Variants in EML4 observed in about 807,000 individuals in gnomAD.
EML4 encodes EMAP like 4, also known as echinoderm microtubule-associated protein-like 4.
A neutral mutation model predicts 129.0 loss-of-function variants in EML4; 72 were observed. That is an observed-to-expected ratio of 0.56 (90% CI 0.46 to 0.68). The LOEUF (loss-of-function observed/expected upper bound fraction) is 0.68, where lower values mean the gene tolerates loss of function less well. EML4 is among the 30% of genes least tolerant of loss of function. The pLI is 0.00. For missense variants in EML4, 1,363 were observed against 1,190.6 expected, an observed-to-expected ratio of 1.14 and a Z score of -2.13; for synonymous variants, 532 against 405.0, an observed-to-expected ratio of 1.31 and a Z score of -3.77.
rs564061169 is a variant in EML4, at chr2:42,328,987, C to T, written c.2443C>T (p.Leu815=). ...TGCCGATGACTTTTGTAAAGTCCAT[C>T]TGTTTCAGTATCCCTGCTCCAAAGC... ...AVADDFCKVH[L]FQYPCSKAKA... is the part of the protein sequence containing the mutation. The change falls in exon 22 of 23, where the codon CTG becomes TTG. Residue 815 remains leucine (L), a synonymous_variant. Coordinates refer to ENST00000318522, the MANE Select transcript of EML4 (RefSeq NM_019063.5). The T allele has an allele frequency of 1.2e-6, 2 of 1,613,026 alleles. No homozygotes were observed. Among genetic ancestry groups the T allele is most frequent in the African/African-American group, 2.7e-5 (2 of 74,998 alleles).
Position 42,312,691 on chromosome 2 carries a change from C to A in EML4, c.1968-3271C>A, listed in dbSNP as rs376314258. Among the ~76,000 whole-genome samples, 29 of 151,898 alleles carry A rather than the reference C, an allele frequency of 1.9e-4. No homozygotes were observed. In the East Asian group the frequency reaches 4.5e-3, roughly 24 times the overall value. On this transcript the variant is annotated intron_variant, in intron 17 of 22. Coordinates refer to ENST00000318522, the MANE Select transcript of EML4 (RefSeq NM_019063.5). Reference sequence around the variant, plus strand: ...GCCTCAGCCTCCCAAGTAGCTGGGACTACAGGCGCGTGCCACCATGCCTGG... The same window carrying A: ...GCCTCAGCCTCCCAAGTAGCTGGGAATACAGGCGCGTGCCACCATGCCTGG...
At chr2:42,183,319 G>C (rs1671054604) in intron 1 of EML4, among the ~76,000 whole-genome samples, 1 of 152,164 alleles carries the variant, frequency 6.6e-6, no homozygotes, top group Admixed American at 6.6e-5. Flanking sequence ...ACAATAAAGA[G>C]TTTTAATTAA....
chr2:42,212,970 G>A (rs1672969613), intron 1 of EML4, among the ~76,000 whole-genome samples: 1 of 152,144 alleles, frequency 6.6e-6, no homozygotes, highest in Admixed American at 6.5e-5. Context: ...TGGCTTATGT[G>A]ATCTCTAAGT....
chr2:42,243,732 G>C (rs1228885148), intron 1 of EML4, among the ~76,000 whole-genome samples: 1 of 152,212 alleles, frequency 6.6e-6, no homozygotes, highest in African/African-American at 2.4e-5. Flanking sequence ...AGGTCTGGTG[G>C]TGTATATCAT....
intron 1 of EML4, among the ~76,000 whole-genome samples, chr2:42,208,870 C>A (rs1269011372): frequency 6.6e-6 from 1 of 151,642 alleles, no homozygotes; most frequent in Non-Finnish European, 1.5e-5. Context: ...AATGGACATC[C>A]TTGTAACCAC....
chr2:42,294,464 G>A (rs1454371087), intron 11 of EML4, among the ~76,000 whole-genome samples: 6 of 152,242 alleles, frequency 3.9e-5, no homozygotes, highest in Non-Finnish European at 8.8e-5. Context: ...GGGAGGCTGA[G>A]GTGGGCGGAT....
Position 42,328,918 on chromosome 2 carries a change from A to G in EML4, c.2374A>G (p.Ile792Val). The G allele has an allele frequency of 6.2e-7, 1 of 1,613,438 alleles. No homozygotes were observed. Among genetic ancestry groups the G allele is most frequent in the Middle Eastern group, 1.7e-4 (1 of 5,888 alleles). Residue 792 changes from isoleucine (I) to valine (V), a missense_variant, in exon 22 of 23, where the codon ATC becomes GTC. Coordinates refer to ENST00000318522, the MANE Select transcript of EML4 (RefSeq NM_019063.5). ...VWPEGSDGTD[I>V]NALVRSHNRK... Reference sequence around the variant, plus strand: ...GCCAGAAGGATCTGATGGGACAGATATCAATGCACTGGTGCGATCCCACAA... The same window carrying G: ...GCCAGAAGGATCTGATGGGACAGATGTCAATGCACTGGTGCGATCCCACAA...
intron 1 of EML4, among the ~76,000 whole-genome samples, chr2:42,177,132 G>A (rs1191194169): frequency 2.0e-5 from 3 of 152,060 alleles, no homozygotes; most frequent in Non-Finnish European, 4.4e-5. Flanking sequence ...TTTTATTGAA[G>A]GCTGAAACTC....
At chr2:42,309,892 T>C (rs946187188) in intron 17 of EML4, among the ~76,000 whole-genome samples, 2 of 152,222 alleles carry the variant, frequency 1.3e-5, no homozygotes, top group African/African-American at 4.8e-5. Flanking sequence ...GTTTAGTTTA[T>C]CTGTTCTTTC....
chr2:42,318,375 A>T (rs1669350562), intron 19 of EML4, among the ~76,000 whole-genome samples: 1 of 152,200 alleles, frequency 6.6e-6, no homozygotes, highest in Admixed American at 6.5e-5. Context: ...TATTTTGCTT[A>T]TTATATTTAA....
intron 1 of EML4, among the ~76,000 whole-genome samples, chr2:42,181,423 T>C (rs1391655241): frequency 6.6e-6 from 1 of 152,028 alleles, no homozygotes; most frequent in Non-Finnish European, 1.5e-5. Flanking sequence ...CTCAGCCTCC[T>C]GAGTAGCTGG....
At chr2:42,291,450 G>C (rs1667635126) in intron 11 of EML4, among the ~76,000 whole-genome samples, 1 of 146,272 alleles carries the variant, frequency 6.8e-6, no homozygotes, top group South Asian at 2.2e-4. Flanking sequence ...ACCCATGCTG[G>C]AGTGCAGTGG....
intron 1 of EML4, among the ~76,000 whole-genome samples, chr2:42,171,849 T>A (rs144371721): frequency 2.6e-5 from 4 of 152,284 alleles, no homozygotes; most frequent in Non-Finnish European, 5.9e-5. Flanking sequence ...CCATCTTAAT[T>A]GAAACCTTAA....
At chr2:42,184,618 A>G (rs1671140353) in intron 1 of EML4, among the ~76,000 whole-genome samples, 1 of 151,654 alleles carries the variant, frequency 6.6e-6, no homozygotes, top group Non-Finnish European at 1.5e-5. Flanking sequence ...TTCTTCTTAT[A>G]CCGTTATTTA....
Position 42,253,582 on chromosome 2 carries a change from A to G in EML4, c.209-2919A>G, listed in dbSNP as rs74587153. ...AGAAGAGAGACTCGAGATAAACTCA[A>G]CATAATCCAAAAGAGAAATTTGGTA... is the stretch of plus-strand genomic sequence containing the variant. On this transcript the variant is annotated intron_variant, in intron 2 of 22. Transcript: ENST00000318522. Among the ~76,000 whole-genome samples the G allele has an allele frequency of 9.0e-3, 1,368 of 152,290 alleles. 10 individuals are homozygous for G. The highest frequency in any genetic ancestry group is 0.032 in the African/African-American group (1,309 of 41,542).
chr2:42,279,701 C>G (rs890471095), intron 6 of EML4, among the ~76,000 whole-genome samples: 1 of 151,948 alleles, frequency 6.6e-6, no homozygotes, highest in Admixed American at 6.6e-5. Context: ...GTCTCAATCT[C>G]CTGACCTCAT....
intron 6 of EML4, among the ~76,000 whole-genome samples, chr2:42,279,287 T>A (rs1666868620): frequency 1.3e-5 from 2 of 152,134 alleles, no homozygotes; most frequent in Admixed American, 1.3e-4. Flanking sequence ...AGATCCTAAT[T>A]TCAGTTCTTC....
chr2:42,225,264 A>G (rs967974666), intron 1 of EML4, among the ~76,000 whole-genome samples: 1 of 152,058 alleles, frequency 6.6e-6, no homozygotes, highest in Non-Finnish European at 1.5e-5. Context: ...CTGTTGGATT[A>G]TATCTGTAAG....
At chr2:42,296,691 A>G (rs1011599450) in intron 13 of EML4, among the ~76,000 whole-genome samples, 1 of 152,232 alleles carries the variant, frequency 6.6e-6, no homozygotes, top group African/African-American at 2.4e-5. Context: ...AATAACTTTC[A>G]TCTTAACTTT....
Sources: gnomAD v4.1 joint callset for allele counts (sites outside exome capture counted in the v4.1 genomes callset) on GRCh38, gnomAD v4.1.1 for gene constraint, MANE v1.5 for transcripts, NCBI Gene and HGNC (gene_info 2026-07-23, HGNC 2026-07-21) for gene names.